The following SASH1 variants were observed in gnomAD, a reference collection of about 807,000 sequenced individuals.
SASH1 encodes the protein SAM and SH3 domain-containing protein 1.
Under a neutral mutation model 125.2 loss-of-function variants are expected in SASH1, and 44 were observed. That is an observed-to-expected ratio of 0.35 (90% CI 0.28 to 0.45). The LOEUF is 0.45. Ranked by LOEUF, SASH1 falls within the 20% of genes least tolerant of loss-of-function variation. SASH1 has a pLI of 1.00. For missense variants in SASH1, 1,426 were observed against 1,614.5 expected, an observed-to-expected ratio of 0.88 and a Z score of 2.00; for synonymous variants, 639 against 649.1, an observed-to-expected ratio of 0.98 and a Z score of 0.24.
At chr6:148,318,721 T>C (rs192442414) in intron 1 of SASH1, among the ~76,000 whole-genome samples, 4 of 151,508 alleles carry the variant, frequency 2.6e-5, no homozygotes, top group Non-Finnish European at 5.9e-5. Flanking sequence ...CTCAGCTAAT[T>C]TTTATACTTT....
chr6:148,513,912 T>G, intron 8 of SASH1: 1 of 987,238 alleles, frequency 1.0e-6, no homozygotes, highest in Non-Finnish European at 1.2e-6. Flanking sequence ...AAGTAGTTGA[T>G]GACCACGTTA....
At chr6:148,507,260 G>A (rs1264916081) in intron 8 of SASH1, among the ~76,000 whole-genome samples, 1 of 152,212 alleles carries the variant, frequency 6.6e-6, no homozygotes, top group Non-Finnish European at 1.5e-5. Flanking sequence ...AAGAGCCGAG[G>A]AAAAGGGGAT....
intron 2 of SASH1, among the ~76,000 whole-genome samples, chr6:148,414,232 A>G (rs1255598475): frequency 6.6e-6 from 1 of 152,158 alleles, no homozygotes; most frequent in African/African-American, 2.4e-5. Context: ...GAAAAAATAT[A>G]ATGGGAAGAA....
chr6:148,441,944 T>A (rs1423315824), intron 4 of SASH1, among the ~76,000 whole-genome samples: 1 of 152,246 alleles, frequency 6.6e-6, no homozygotes, highest in Non-Finnish European at 1.5e-5. Context: ...TGTAATATTG[T>A]CATTTTGCCT....
intron 8 of SASH1, among the ~76,000 whole-genome samples, chr6:148,501,958 T>C (rs1254156936): frequency 6.6e-6 from 1 of 152,212 alleles, no homozygotes; most frequent in Non-Finnish European, 1.5e-5. Context: ...TAACATCCAT[T>C]TGCTGCTCCT....
intron 1 of SASH1, among the ~76,000 whole-genome samples, chr6:148,357,524 C>A (rs1005574580): frequency 6.6e-6 from 1 of 152,148 alleles, no homozygotes; most frequent in Non-Finnish European, 1.5e-5. Flanking sequence ...TCCACCCAGG[C>A]TCCCTGGATC....
At chr6:148,382,265 G>T (rs773876174) in intron 1 of SASH1, among the ~76,000 whole-genome samples, 8 of 152,094 alleles carry the variant, frequency 5.3e-5, no homozygotes, top group South Asian at 4.2e-4. Context: ...CCAGATCTCC[G>T]CCTTCTGTGT....
chr6:148,406,959 A>C (rs1186011871), intron 2 of SASH1, among the ~76,000 whole-genome samples: 1 of 152,260 alleles, frequency 6.6e-6, no homozygotes, highest in African/African-American at 2.4e-5. Flanking sequence ...AGGCGCTCCA[A>C]GGGTCTAGGA....
intron 1 of SASH1, among the ~76,000 whole-genome samples, chr6:148,367,269 C>T (rs944831474): frequency 3.3e-5 from 5 of 152,126 alleles, no homozygotes; most frequent in South Asian, 2.1e-4. Context: ...CAAAAGTAAT[C>T]GCGGTTTATA....
intron 4 of SASH1, among the ~76,000 whole-genome samples, chr6:148,461,871 C>T (rs1246296296): frequency 2.0e-5 from 3 of 152,182 alleles, no homozygotes; most frequent in African/African-American, 7.2e-5. Context: ...AATGATTTGT[C>T]ATGAAAGGAG....
At chr6:148,245,502 A>AT in the SASH1 span, among the ~76,000 whole-genome samples, 1 of 152,246 alleles carries the variant, frequency 6.6e-6, no homozygotes, top group Non-Finnish European at 1.5e-5. Flanking sequence ...ACAATTAATT[A>AT]TCCCATAGTA....
chr6:148,265,705 A>T, the SASH1 span, among the ~76,000 whole-genome samples: 1 of 152,184 alleles, frequency 6.6e-6, no homozygotes, highest in East Asian at 1.9e-4. Flanking sequence ...TCAAGACCCC[A>T]CAGCTAAAAA....
chr6:148,447,729 CTCCTCCTCTTCCTCCTCCTCCTCCTCG>C (rs1424148409), intron 4 of SASH1, among the ~76,000 whole-genome samples: 2 of 151,290 alleles, frequency 1.3e-5, no homozygotes, highest in African/African-American at 4.9e-5. Flanking sequence ...CCTCATCCTC[CTCCTCCTCTTCCTCCTCCTCCTCCTCG>C]TCCTCCTCTT....
At chr6:148,442,525 T>C (rs1172296049) in intron 4 of SASH1, among the ~76,000 whole-genome samples, 1 of 151,760 alleles carries the variant, frequency 6.6e-6, no homozygotes, top group Non-Finnish European at 1.5e-5. Flanking sequence ...GAGCTTTCTC[T>C]CTCTCTCTCT....
chr6:148,385,516 A>C (rs966251381), intron 1 of SASH1, among the ~76,000 whole-genome samples: 28 of 152,172 alleles, frequency 1.8e-4, no homozygotes, highest in African/African-American at 6.5e-4. Flanking sequence ...GAGTTGACTG[A>C]TGGCTGGCCA....
chr6:148,323,943 G>A lies in SASH1; in HGVS notation n.74+51566G>A, dbSNP rs918979737. ...AGATCGAGACTATGCTGGCCAACATGACGAAACTCTGTCTCTACTAAAAAT... is the reference window on the plus strand; with the variant it reads ...AGATCGAGACTATGCTGGCCAACATAACGAAACTCTGTCTCTACTAAAAAT... On this transcript the variant is annotated intron_variant and non_coding_transcript_variant, in intron 1 of 3. Transcript: ENST00000367469. Among the ~76,000 whole-genome samples, 5 of 152,008 alleles carry A rather than the reference G, an allele frequency of 3.3e-5. No individual in the cohort carries two copies. The South Asian group carries it at 1.0e-3, about 32-fold the overall frequency.
intron 10 of SASH1, among the ~76,000 whole-genome samples, chr6:148,522,319 T>G (rs1291043960): frequency 7.0e-6 from 1 of 143,276 alleles, no homozygotes; most frequent in Non-Finnish European, 1.5e-5. Flanking sequence ...TGTAAATAAG[T>G]GTTCTATCAT....
chr6:148,388,210 C>A (rs904678288), intron 1 of SASH1, among the ~76,000 whole-genome samples: 3 of 152,156 alleles, frequency 2.0e-5, no homozygotes, highest in Admixed American at 6.5e-5. Flanking sequence ...CCCCTGCGCC[C>A]GGCCCAGGTT....
upstream of SASH1, among the ~76,000 whole-genome samples, chr6:148,267,835 T>A (rs536892415): frequency 2.0e-5 from 3 of 151,882 alleles, no homozygotes; most frequent in East Asian, 3.9e-4. Context: ...GGGCGTGGAG[T>A]CTATTTTCAA....
Sources: allele counts gnomAD v4.1 joint callset (sites outside exome capture counted in the v4.1 genomes callset), GRCh38; gene constraint gnomAD v4.1.1; transcripts MANE v1.5; gene names NCBI Gene and HGNC (gene_info 2026-07-23, HGNC 2026-07-21).